The following NDC1 variants were observed in gnomAD, a reference collection of about 807,000 sequenced individuals.
NDC1 encodes nucleoporin NDC1.
A neutral mutation model predicts 89.8 loss-of-function variants in NDC1; 24 were observed. That is an observed-to-expected ratio of 0.27 (90% CI 0.19 to 0.38). The LOEUF is 0.38. Ranked by LOEUF, NDC1 falls within the 10% of genes least tolerant of loss-of-function variation. The pLI is 1.00. For missense variants in NDC1, 728 were observed against 797.6 expected, an observed-to-expected ratio of 0.91 and a Z score of 1.05; for synonymous variants, 296 against 284.8, an observed-to-expected ratio of 1.04 and a Z score of -0.39.
chr1:53,813,683 G>A (rs1648386444), intron 6 of NDC1, among the ~76,000 whole-genome samples: 1 of 151,710 alleles, frequency 6.6e-6, no homozygotes, highest in Non-Finnish European at 1.5e-5. Flanking sequence ...GATAGTGGGG[G>A]ACTTCAATAA....
intron 1 of NDC1, 30 bp from the exon 2 acceptor site, chr1:53,835,650 T>C (rs200604779): frequency 1.9e-6 from 3 of 1,586,434 alleles, no homozygotes; most frequent in Non-Finnish European, 2.6e-6. Flanking sequence ...CCCTCACTCA[T>C]GAAGTCAGTT....
chr1:53,792,792 T>C (rs1347897238), intron 14 of NDC1, among the ~76,000 whole-genome samples: 1 of 152,220 alleles, frequency 6.6e-6, no homozygotes, highest in Non-Finnish European at 1.5e-5. Flanking sequence ...TCATTTCATG[T>C]GTGGTCTGAA....
chr1:53,772,071 A>G (rs1647117328), intron 17 of NDC1, among the ~76,000 whole-genome samples: 1 of 151,814 alleles, frequency 6.6e-6, no homozygotes, highest in African/African-American at 2.4e-5. Context: ...TAATTTAAAT[A>G]TATATATATA....
intron 6 of NDC1, among the ~76,000 whole-genome samples, chr1:53,814,312 G>A (rs1271392370): frequency 3.3e-5 from 5 of 152,050 alleles, no homozygotes; most frequent in Non-Finnish European, 7.4e-5. Flanking sequence ...TCAAGATCGC[G>A]CCATCGCACT....
At chr1:53,777,961 A>C (rs1478709850) in intron 16 of NDC1, among the ~76,000 whole-genome samples, 1 of 151,894 alleles carries the variant, frequency 6.6e-6, no homozygotes, top group East Asian at 1.9e-4. Flanking sequence ...GGCCTTCCAA[A>C]GTGCTGGGAT....
Position 53,767,243 on chromosome 1 carries a change from C to T in NDC1, c.*727G>A, listed in dbSNP as rs796707811. ...GGAAAATACCCATACATTAATACTT[C>T]GTGTTTACTAGCATGATACAAAATA... On this transcript the variant is annotated 3_prime_UTR_variant, in exon 18 of 18. Coordinates refer to ENST00000371429, the MANE Select transcript of NDC1 (RefSeq NM_018087.5). The T allele has an allele frequency of 2.0e-5, 3 of 152,262 alleles. No homozygotes were observed. The highest frequency in any genetic ancestry group is 2.1e-4 in the South Asian group (1 of 4,832). 9.4% of individuals were successfully genotyped at this position (152,262 alleles called of 1,614,324 possible).
chr1:53,806,395 G>T, intron 9 of NDC1, 30 bp downstream of exon 9: 1 of 1,388,168 alleles, frequency 7.2e-7, no homozygotes, highest in Non-Finnish European at 9.7e-7. Flanking sequence ...AGAGAAAACT[G>T]TGTGAAGATA....
Position 53,828,100 on chromosome 1 carries a change from T to C in NDC1, c.354A>G (p.Ser118=), listed in dbSNP as rs566249221. The C allele has an allele frequency of 1.9e-6, 3 of 1,614,092 alleles. No homozygotes were observed. Among genetic ancestry groups the C allele is most frequent in the East Asian group, 2.2e-5 (1 of 44,876 alleles). ...KIIHPQQLMH[S]FIHAAMGMVM... ...CCATTCCCATTGCAGCATGAATAAA[T>C]GAGTGCATGAGTTGCTGAGGATGAA... Residue 118 remains serine (S), a synonymous_variant, in exon 4 of 18, where the codon TCA becomes TCG. Transcript: ENST00000371429.
intron 6 of NDC1, among the ~76,000 whole-genome samples, chr1:53,815,350 A>G (rs1168188927): frequency 1.3e-5 from 2 of 152,230 alleles, no homozygotes; most frequent in Non-Finnish European, 2.9e-5. Context: ...AAAAACAAAA[A>G]TCACATGATC....
chr1:53,787,363 T>C (rs574280288), intron 15 of NDC1, 105 bp from the exon 16 acceptor site: 78 of 694,710 alleles, frequency 1.1e-4, no homozygotes, highest in South Asian at 1.9e-4. Flanking sequence ...TAAAAAGAAA[T>C]AAAGGCTGGG....
rs201129316 is a variant in NDC1 at position 53,807,763 on chromosome 1, T to C, written c.784A>G (p.Ser262Gly). Residue 262 changes from serine to glycine, a missense_variant, in exon 8 of 18, where the codon AGT becomes GGT. Ser to Gly is a moderately conservative substitution (Grantham distance 56). Transcript: ENST00000371429. Reference protein sequence around the residue: ...EQVHRPLDTVSGLLNLSLLYH... With the variant: ...EQVHRPLDTVGGLLNLSLLYH... The stretch of plus-strand genomic sequence containing the variant: ...AGTAACGAGAGATTTAAGAGGCCAC[T>C]CACTGTGTCAAGTGGCCTATGAACC... The C allele has an allele frequency of 7.3e-5, 117 of 1,613,068 alleles. No individual in the cohort carries two copies. Among genetic ancestry groups the C allele is most frequent in the Non-Finnish European group, 9.5e-5 (112 of 1,179,738 alleles).
chr1:53,784,379 C>A (rs902397262), intron 16 of NDC1, among the ~76,000 whole-genome samples: 1 of 152,178 alleles, frequency 6.6e-6, no homozygotes, highest in African/African-American at 2.4e-5. Context: ...TCAAGCCAGG[C>A]GCAGTGGCTC....
chr1:53,791,114 A>C (rs1171442422), intron 14 of NDC1, among the ~76,000 whole-genome samples: 1 of 152,104 alleles, frequency 6.6e-6, no homozygotes, highest in Non-Finnish European at 1.5e-5. Flanking sequence ...TAGCTTCTAT[A>C]CGTAAGTAAG....
At chr1:53,804,528 G>A (rs544324724) in intron 9 of NDC1, among the ~76,000 whole-genome samples, 30 of 152,254 alleles carry the variant, frequency 2.0e-4, no homozygotes, top group African/African-American at 7.2e-4. Context: ...CCAGGCTGGA[G>A]TGCAGTGATG....
chr1:53,827,859 T>C (rs915012257), intron 4 of NDC1, 140 bp downstream of exon 4: 2 of 568,506 alleles, frequency 3.5e-6, no homozygotes, highest in African/African-American at 3.7e-5. Context: ...ACACAAAATA[T>C]TAAAAACACT....
At chr1:53,815,492 C>T (rs1648446619) in intron 6 of NDC1, among the ~76,000 whole-genome samples, 1 of 152,204 alleles carries the variant, frequency 6.6e-6, no homozygotes, top group Non-Finnish European at 1.5e-5. Flanking sequence ...CCACAGCCAA[C>T]ATAACACTGA....
intron 17 of NDC1, among the ~76,000 whole-genome samples, chr1:53,768,576 C>T (rs1222583051): frequency 6.6e-6 from 1 of 152,072 alleles, no homozygotes; most frequent in Non-Finnish European, 1.5e-5. Context: ...CTCACCATCA[C>T]GAAAATATAT....
Position 53,806,476 on chromosome 1 carries a change from T to C in NDC1, c.933A>G (p.Ser311=), listed in dbSNP as rs531397430. The part of the protein sequence containing the change: ...FPVQPPFAEG[S]DECLPKVLNS... The stretch of plus-strand genomic sequence containing the variant: ...TTAACACTTTTGGAAGGCACTCATC[T>C]GACCCTTCTGCAAATGGTGGTTGAA... Residue 311 remains serine, a synonymous_variant, in exon 9 of 18, where the codon TCA becomes TCG. Transcript: ENST00000371429. The C allele has an allele frequency of 1.5e-4, 228 of 1,531,318 alleles. 2 individuals are homozygous for C. In the South Asian group the frequency reaches 2.8e-3, roughly 19 times the overall value. 94.9% of individuals were successfully genotyped at this position (1,531,318 alleles called of 1,614,324 possible).
chr1:53,820,544 AT>A (rs35915317), intron 5 of NDC1, among the ~76,000 whole-genome samples: 19,901 of 151,828 alleles, frequency 0.13, 2,632 homozygotes, highest in African/African-American at 0.34. Flanking sequence ...TAAAAAAAAA[AT>A]GTCTTTTCTT....
Sources: allele counts gnomAD v4.1 joint callset (sites outside exome capture counted in the v4.1 genomes callset), GRCh38; gene constraint gnomAD v4.1.1; transcripts MANE v1.5; gene names NCBI Gene and HGNC (gene_info 2026-07-23, HGNC 2026-07-21).